Variants in C9orf72 observed in about 807,000 individuals in gnomAD.
C9orf72 encodes guanine nucleotide exchange factor C9orf72.
Under a neutral mutation model 51.6 loss-of-function variants are expected in C9orf72, and 44 were observed. That is an observed-to-expected ratio of 0.85 (90% CI 0.67 to 1.10). C9orf72 has a LOEUF of 1.10. Ranked by LOEUF, C9orf72 falls within the 50% of genes least tolerant of loss-of-function variation. C9orf72 has a pLI of 0.00. For synonymous variants in C9orf72, 213 were observed against 194.2 expected (o/e 1.10, Z -0.81); for missense variants, 607 against 570.6 (o/e 1.06, Z -0.65).
intron 3 of C9orf72, among the ~76,000 whole-genome samples, chr9:27,564,814 T>C (rs1445193774): frequency 1.3e-5 from 2 of 152,050 alleles, no homozygotes; most frequent in East Asian, 1.9e-4. Context: ...CAAGAGGAAA[T>C]GGAAGTAAAA....
At chr9:27,568,676 G>T (rs1186322660) in intron 1 of C9orf72, among the ~76,000 whole-genome samples, 1 of 152,202 alleles carries the variant, frequency 6.6e-6, no homozygotes, top group Non-Finnish European at 1.5e-5. Flanking sequence ...TAGTGACACT[G>T]TAACCATCAT....
At position 27,558,521 on chromosome 9, in the gene C9orf72, C is replaced by A. The variant is rs1256541877; in HGVS notation, c.825G>T (p.Glu275Asp). The A allele has an allele frequency of 3.1e-6, 5 of 1,604,250 alleles. No homozygotes were observed. Among genetic ancestry groups the A allele is most frequent in the Non-Finnish European group, 4.3e-6 (5 of 1,174,798 alleles). The change falls in exon 7 of 11, where the codon GAG becomes GAT. Residue 275 changes from glutamate to aspartate, a missense_variant. Physicochemically the swap from Glu to Asp is conservative, Grantham distance 45. Coordinates refer to ENST00000380003, the MANE Select transcript of C9orf72 (RefSeq NM_018325.5). Reference protein sequence around the residue: ...LCEAESSFKYESGLFVQGLLK... With the variant: ...LCEAESSFKYDSGLFVQGLLK... ...GCAGGCCTTGTACAAAGAGCCCTGA[C>A]TCATATTTAAATGATGATTCTGCTT...
intron 6 of C9orf72, chr9:27,558,998 A>G (rs1819275247): frequency 1.3e-5 from 2 of 154,054 alleles, no homozygotes; most frequent in South Asian, 4.0e-4. Flanking sequence ...CAGATCCTCC[A>G]AAAAGAAGAG....
intron 8 of C9orf72, among the ~76,000 whole-genome samples, chr9:27,551,133 AAAACCAAAAC>A (rs1261363914): frequency 1.3e-5 from 2 of 152,208 alleles, no homozygotes; most frequent in Non-Finnish European, 2.9e-5. Context: ...ACTACCATCA[AAAACCAAAAC>A]AAACCAAAAA....
chr9:27,551,517 G>A (rs1267875314), intron 8 of C9orf72, among the ~76,000 whole-genome samples: 1 of 152,196 alleles, frequency 6.6e-6, no homozygotes, highest in East Asian at 1.9e-4. Flanking sequence ...GAAAGTGGTA[G>A]GGATCATCCT....
chr9:27,570,437 T>G (rs577375704), intron 1 of C9orf72, among the ~76,000 whole-genome samples: 1 of 152,206 alleles, frequency 6.6e-6, no homozygotes, highest in Admixed American at 6.5e-5. Flanking sequence ...ATCATTAAAC[T>G]GAAAATAAAA....
rs975525987 is a variant in C9orf72, at chr9:27,550,178, C to CTA, written c.1149+470_1149+471dup. Among the ~76,000 whole-genome samples the CTA allele has an allele frequency of 1.0e-4, 15 of 148,764 alleles. No homozygotes were observed. In the East Asian group the frequency reaches 1.2e-3, roughly 12 times the overall value. On this transcript the variant is annotated intron_variant, in intron 9 of 10. Transcript: ENST00000380003. ...CTGGTAATATGTATATATGCTCGTA[C>CTA]TATATATATATACACACACAAACAT...
At chr9:27,550,082 CTACAT>C (rs1012345656) in intron 9 of C9orf72, among the ~76,000 whole-genome samples, 1 of 149,798 alleles carries the variant, frequency 6.7e-6, no homozygotes, top group African/African-American at 2.4e-5. Context: ...AACATATACT[CTACAT>C]AACATAATAG....
rs558489073 is a variant in C9orf72, at chr9:27,566,696, C to T, written c.425G>A (p.Gly142Glu). The change falls in exon 2 of 11, where the codon GGA becomes GAA. Residue 142 changes from glycine to glutamate, a missense_variant. Gly to Glu is a moderately conservative substitution (Grantham distance 98). Transcript: ENST00000380003. ...VDRLTHIIRK[G>E]RIWMHKERQE... ...ACTTACCTTATGCATCCATATTCTT[C>T]CTTTCCGGATTATATGTGTTAATCT... 1 of 1,602,706 alleles carries T rather than the reference C, an allele frequency of 6.2e-7. No individual in the cohort carries two copies. Among genetic ancestry groups the T allele is most frequent in the East Asian group, 2.2e-5 (1 of 44,708 alleles).
chr9:27,573,193 C>T (rs1234447418), intron 1 of C9orf72, among the ~76,000 whole-genome samples: 3 of 151,958 alleles, frequency 2.0e-5, no homozygotes, highest in African/African-American at 7.3e-5. Context: ...GGCCAGATCC[C>T]CATCCCTTGT....
chr9:27,567,551 G>GGGGTTAGGTTAGGGCC (rs1819497172), intron 1 of C9orf72, among the ~76,000 whole-genome samples: 1 of 152,124 alleles, frequency 6.6e-6, no homozygotes, highest in South Asian at 2.1e-4. Context: ...CTAACCCATA[G>GGGGTTAGGTTAGGGCC]CAACTAAAAA....
chr9:27,569,594 T>C (rs1417722066), intron 1 of C9orf72, among the ~76,000 whole-genome samples: 1 of 152,254 alleles, frequency 6.6e-6, no homozygotes. Context: ...ACATAAAGGC[T>C]ATACTATCTA....
intron 6 of C9orf72, 108 bp downstream of exon 6, chr9:27,560,119 T>C: frequency 1.5e-6 from 1 of 654,792 alleles, no homozygotes; most frequent in Non-Finnish European, 2.5e-6. Flanking sequence ...CATTGCCTCC[T>C]TATACTACTA....
chr9:27,556,609 A>G lies in C9orf72; in HGVS notation c.1043T>C (p.Met348Thr), dbSNP rs1196488549. Residue 348 changes from methionine (M) to threonine (T), a missense_variant, in exon 8 of 11, where the codon ATG (methionine) becomes ACG (threonine). By Grantham distance (81) the Met-to-Thr change is moderately conservative (BLOSUM62 -1). Transcript: ENST00000380003. ...AGTGTAGATGATCGTATCCTGAGCC[A>G]TGTCTTCTTCTGAAGTGGCTCTCCA... ...AFWRATSEED[M>T]AQDTIIYTDE... The G allele has an allele frequency of 2.5e-6, 4 of 1,613,568 alleles. No homozygotes were observed. Among genetic ancestry groups the G allele is most frequent in the South Asian group, 2.2e-5 (2 of 91,066 alleles).
chr9:27,573,849 G>C (rs550178688), upstream of C9orf72: 3 of 152,354 alleles, frequency 2.0e-5, no homozygotes, highest in African/African-American at 7.2e-5. Context: ...TTTCCTAGCG[G>C]GACACCGTAG....
At chr9:27,566,543 G>C in intron 2 of C9orf72, 134 bp downstream of exon 2, 1 of 640,932 alleles carries the variant, frequency 1.6e-6, no homozygotes, top group South Asian at 2.2e-5. Flanking sequence ...TATCTAATAG[G>C]GTAAATGCAA....
intron 8 of C9orf72, chr9:27,554,657 G>T: frequency 2.5e-6 from 1 of 397,970 alleles, no homozygotes; most frequent in South Asian, 1.3e-4. Flanking sequence ...AAATTCCAGT[G>T]ACCAATTTTT....
chr9:27,548,922 G>A (rs923418951), intron 9 of C9orf72, among the ~76,000 whole-genome samples: 1 of 151,234 alleles, frequency 6.6e-6, no homozygotes, highest in Admixed American at 6.6e-5. Flanking sequence ...TTGACTCACT[G>A]CAACCTACAC....
intron 7 of C9orf72, among the ~76,000 whole-genome samples, chr9:27,557,343 C>G (rs17835861): frequency 0.21 from 32,183 of 151,968 alleles, 3,613 homozygotes; most frequent in East Asian, 0.3. Context: ...GTTGGGGTAG[C>G]CAGTTACCAT....
Sources: allele counts gnomAD v4.1 joint callset (sites outside exome capture counted in the v4.1 genomes callset), GRCh38; gene constraint gnomAD v4.1.1; transcripts MANE v1.5; gene names NCBI Gene and HGNC (gene_info 2026-07-23, HGNC 2026-07-21).